ZNF236: variants seen among roughly 807,000 people sequenced by gnomAD.
ZNF236 encodes the protein zinc finger protein 236, also known as regulated by glucose.
In ZNF236, 50 loss-of-function variants were observed where a neutral mutation model predicts 191.2. The observed-to-expected ratio is 0.26, with a 90% CI of 0.21 to 0.33. ZNF236 has a LOEUF of 0.33. Ranked by LOEUF, ZNF236 falls within the 10% of genes least tolerant of loss-of-function variation. ZNF236 has a pLI of 1.00. For missense variants in ZNF236, 1,754 were observed against 2,374.5 expected, an observed-to-expected ratio of 0.74 and a Z score of 5.43; for synonymous variants, 907 against 928.8, an observed-to-expected ratio of 0.98 and a Z score of 0.43.
At chr18:76,917,234 TA>T (rs1187002932) in intron 19 of ZNF236, among the ~76,000 whole-genome samples, 1 of 152,198 alleles carries the variant, frequency 6.6e-6, no homozygotes, top group Non-Finnish European at 1.5e-5. Flanking sequence ...TCATAAAGTA[TA>T]AAAAGAAAAT....
rs142332380 is a variant in ZNF236, at chr18:76,852,935, T to C, written c.363+996T>C. Reference sequence around the variant, plus strand: ...CTCTTGTGATGTTAGGCAGAGGCAATGAACTGCAACTCCCTGTCAGCCACA... The same window carrying C: ...CTCTTGTGATGTTAGGCAGAGGCAACGAACTGCAACTCCCTGTCAGCCACA... On this transcript the variant is annotated intron_variant, in intron 3 of 30. Transcript: ENST00000320610. 6.9e-3 allele frequency among the ~76,000 whole-genome samples: 1,054 copies of C among 152,348 alleles called. 10 individuals carry two copies. The highest frequency in any genetic ancestry group is 0.023 in the African/African-American group (973 of 41,578).
chr18:76,908,539 G>A lies in ZNF236; in HGVS notation c.2517G>A (p.Gln839=), dbSNP rs201042778. 2.5e-6 allele frequency: 4 copies of A among 1,611,990 alleles called. No individual in the cohort carries two copies. The highest frequency in any genetic ancestry group is 2.5e-6 in the Non-Finnish European group (3 of 1,179,266). The part of the protein sequence containing the change: ...VVGTEEAGLG[Q]QLADQPLEAD... ...GCACGGAGGAAGCAGGGCTGGGCCA[G>A]CAGTTGGCAGATCAGCCCCTGGAAG... Residue 839 remains glutamine, a synonymous_variant, in exon 14 of 31, where the codon CAG becomes CAA. Transcript: ENST00000320610.
At chr18:76,869,007 T>A in intron 4 of ZNF236, 144 bp downstream of exon 4, 2 of 703,384 alleles carry the variant, frequency 2.8e-6, no homozygotes, top group Non-Finnish European at 4.6e-6. Context: ...GAACGTCTTT[T>A]ATAACATGCA....
intron 14 of ZNF236, among the ~76,000 whole-genome samples, chr18:76,909,835 A>G (rs1413592122): frequency 1.3e-5 from 2 of 152,258 alleles, no homozygotes; most frequent in African/African-American, 2.4e-5. Flanking sequence ...ATATTGTTTA[A>G]TGGAACAATG....
chr18:76,880,694 A>C lies in ZNF236; in HGVS notation c.1188+378A>C, dbSNP rs1389058367. On this transcript the variant is annotated intron_variant, in intron 8 of 30. Transcript: ENST00000320610. This position sits in a 1 kb window ranked among gnomAD's most constrained non-coding sequence, Gnocchi z 5.0. The stretch of plus-strand genomic sequence containing the variant: ...AGTCATGGGTGTTGACAATTCTGAG[A>C]GCGTTCATACTGCCTGGCCTTCTCT... Among the ~76,000 whole-genome samples, 1 of 152,070 alleles carries C rather than the reference A, an allele frequency of 6.6e-6. No individual in the cohort carries two copies. Among genetic ancestry groups the C allele is most frequent in the East Asian group, 1.9e-4 (1 of 5,176 alleles).
chr18:76,834,838 C>T (rs1037721779), intron 1 of ZNF236: 2 of 452,884 alleles, frequency 4.4e-6, no homozygotes, highest in Non-Finnish European at 8.7e-6. Context: ...CATTGAAATG[C>T]CTTTTGTGGT....
At chr18:76,966,356 C>T (rs1026844551) in intron 30 of ZNF236, among the ~76,000 whole-genome samples, 2 of 151,960 alleles carry the variant, frequency 1.3e-5, no homozygotes, top group African/African-American at 4.8e-5. Flanking sequence ...CACACACACA[C>T]AGAGACACAC....
In ZNF236 at chr18:76,944,233, G is replaced by T. The variant is rs191541713; in HGVS notation, c.4783-3288G>T. ...AACAGCTGTTGCGCCATTCCTCTCT[G>T]CTGGGGCTTGGTGCTTGCTGTTACA... On this transcript the variant is annotated intron_variant, in intron 26 of 30. Coordinates refer to ENST00000320610, the MANE Select transcript of ZNF236 (RefSeq NM_001306089.2). Among the ~76,000 whole-genome samples the T allele has an allele frequency of 7.9e-4, 120 of 152,262 alleles. 1 individual carries two copies. In the Middle Eastern group the frequency reaches 0.01, roughly 13 times the overall value.
At chr18:76,869,527 A>G (rs1001614038) in intron 4 of ZNF236, among the ~76,000 whole-genome samples, 1 of 152,232 alleles carries the variant, frequency 6.6e-6, no homozygotes, top group African/African-American at 2.4e-5. Context: ...CTAATTCCTG[A>G]TAATATATTT....
Position 76,895,209 on chromosome 18 carries a change from G to A in ZNF236, c.1614G>A (p.Lys538=), listed in dbSNP as rs1447344287. Residue 538 remains lysine, a synonymous_variant, in exon 10 of 31, where the codon AAG becomes AAA. Coordinates refer to ENST00000320610, the MANE Select transcript of ZNF236 (RefSeq NM_001306089.2). ...ACATCAAGACGCACACCGGCATCAA[G>A]GCGTTCAAGTGCCAGTACTGCATGA... is the stretch of plus-strand genomic sequence containing the variant. ...TAHIKTHTGI[K]AFKCQYCMKS... The A allele has an allele frequency of 1.2e-6, 2 of 1,601,988 alleles. No homozygotes were observed. The highest frequency in any genetic ancestry group is 4.5e-5 in the East Asian group (2 of 44,882).
At chr18:76,826,421 G>C (rs565974307) in intron 1 of ZNF236, among the ~76,000 whole-genome samples, 1 of 151,536 alleles carries the variant, frequency 6.6e-6, no homozygotes, top group African/African-American at 2.4e-5. Context: ...ACCGCGACCG[G>C]CCTGGAAACC....
intron 26 of ZNF236, among the ~76,000 whole-genome samples, chr18:76,939,873 G>A (rs79683420): frequency 4.8e-5 from 7 of 146,262 alleles, no homozygotes; most frequent in Non-Finnish European, 1.1e-4. Flanking sequence ...CCCTAGCACT[G>A]CATTTGGGAA....
intron 11 of ZNF236, among the ~76,000 whole-genome samples, chr18:76,900,836 G>A (rs1276859153): frequency 6.6e-6 from 1 of 152,206 alleles, no homozygotes; most frequent in Non-Finnish European, 1.5e-5. Context: ...ATCAGGGATT[G>A]GTTTTGCAGA....
At position 76,971,688 on chromosome 18, in the gene ZNF236, A is replaced by G. The variant is rs1453557205; in HGVS notation, c.*3349A>G. Among the ~76,000 whole-genome samples the G allele has an allele frequency of 6.6e-6, 1 of 152,220 alleles. No homozygotes were observed. The highest frequency in any genetic ancestry group is 2.4e-5 in the African/African-American group (1 of 41,450). On this transcript the variant is annotated 3_prime_UTR_variant, in exon 31 of 31. Transcript: ENST00000320610. Reference sequence around the variant, plus strand: ...TGTGGGTTTTCCTCATTTTAGAAGAATATTTGTAACTCATTAAGATACACA... The same window carrying G: ...TGTGGGTTTTCCTCATTTTAGAAGAGTATTTGTAACTCATTAAGATACACA...
At chr18:76,887,964 A>C (rs1203091701) in intron 9 of ZNF236, 1 of 151,066 alleles carries the variant, frequency 6.6e-6, no homozygotes, top group African/African-American at 2.4e-5. Context: ...GATTTGTATA[A>C]TGATTATTTG....
At chr18:76,869,791 A>G (rs1358767854) in intron 4 of ZNF236, among the ~76,000 whole-genome samples, 2 of 152,178 alleles carry the variant, frequency 1.3e-5, no homozygotes, top group Non-Finnish European at 2.9e-5. Flanking sequence ...CCCGGTCCCT[A>G]CTAAAAATAT....
intron 9 of ZNF236, among the ~76,000 whole-genome samples, chr18:76,890,227 AT>A (rs1182593986): frequency 2.0e-5 from 3 of 152,228 alleles, no homozygotes; most frequent in East Asian, 1.9e-4. Context: ...CTGTTTAGCT[AT>A]TTTTTTCCTG....
chr18:76,842,989 G>T, intron 1 of ZNF236, among the ~76,000 whole-genome samples: 1 of 152,190 alleles, frequency 6.6e-6, no homozygotes, highest in East Asian at 1.9e-4. Flanking sequence ...TTGGAAGAAA[G>T]CAGGTGCCTG....
chr18:76,916,015 C>T, intron 19 of ZNF236, among the ~76,000 whole-genome samples, 156 bp downstream of exon 19: 1 of 152,164 alleles, frequency 6.6e-6, no homozygotes, highest in East Asian at 1.9e-4. Flanking sequence ...ATTATGAAAG[C>T]CATACATGCT....
Sources: allele counts gnomAD v4.1 joint callset (sites outside exome capture counted in the v4.1 genomes callset), GRCh38; gene constraint gnomAD v4.1.1; non-coding constraint Gnocchi (gnomAD v3.1); transcripts MANE v1.5; gene names NCBI Gene and HGNC (gene_info 2026-07-23, HGNC 2026-07-21).